Variants in TMEM276 observed in about 807,000 individuals in gnomAD.
TMEM276 encodes the protein transmembrane protein 276.
the TMEM276 span, chr8:144,464,049 G>A: frequency 2.3e-5 from 35 of 1,549,968 alleles, no homozygotes; most frequent in Middle Eastern, 5.3e-4. Context: ...CTACCCCTAG[G>A]GAGAAGGCGC....
chr8:144,463,993 C>T, the TMEM276 span: 7 of 1,516,642 alleles, frequency 4.6e-6, no homozygotes, highest in South Asian at 2.7e-5. Context: ...GACTCTGCCC[C>T]TGACCAGTCA....
chr8:144,465,228 A>C, the TMEM276 span: 70 of 1,170,486 alleles, frequency 6.0e-5, no homozygotes, highest in Admixed American at 6.8e-5. Flanking sequence ...GAGAGCGGCG[A>C]GGCGCTGCAG....
At chr8:144,463,906 C>T in the TMEM276 span, 1 of 1,412,442 alleles carries the variant, frequency 7.1e-7, no homozygotes, top group Non-Finnish European at 9.2e-7. Context: ...AATCAGGACC[C>T]CCAAACGTGT....
the TMEM276 span, chr8:144,464,609 T>C: frequency 6.2e-7 from 1 of 1,605,906 alleles, no homozygotes; most frequent in South Asian, 1.1e-5. Flanking sequence ...GCCCCTCGAC[T>C]TGCCTGTCAA....
the TMEM276 span, chr8:144,466,082 A>C: frequency 6.7e-6 from 1 of 150,326 alleles, no homozygotes; most frequent in South Asian, 2.1e-4. Flanking sequence ...GGCGTGTTGA[A>C]GGCTCCGCGA....
chr8:144,466,404 G>A, the TMEM276 span: 1 of 1,210,284 alleles, frequency 8.3e-7, no homozygotes, highest in Admixed American at 3.1e-5. Flanking sequence ...GGGGCCCTCT[G>A]CCGCCCCGCG....
chr8:144,464,952 T>C, the TMEM276 span: 1 of 1,597,608 alleles, frequency 6.3e-7, no homozygotes, highest in East Asian at 2.2e-5. Context: ...GATACTCAAC[T>C]TTGGAGAGGA....
chr8:144,465,408 AC>A, the TMEM276 span: 3 of 1,013,400 alleles, frequency 3.0e-6, no homozygotes, highest in African/African-American at 5.2e-5. Flanking sequence ...TGCGCAACGC[AC>A]CGCCCACCGC....
chr8:144,464,681 G>A, the TMEM276 span: 61 of 1,574,696 alleles, frequency 3.9e-5, no homozygotes, highest in Non-Finnish European at 4.7e-5. Flanking sequence ...ACAGGAAAGG[G>A]TTTGGGGCTT....
At chr8:144,464,626 G>A in the TMEM276 span, 105 of 1,598,568 alleles carry the variant, frequency 6.6e-5, no homozygotes, top group Non-Finnish European at 8.4e-5. Flanking sequence ...TCAACACAGG[G>A]AAGGGAGAAC....
chr8:144,463,878 C>T, the TMEM276 span: 1 of 1,386,858 alleles, frequency 7.2e-7, no homozygotes, highest in African/African-American at 1.4e-5. Flanking sequence ...TCTGGATCCA[C>T]AACCGTGTCC....
At chr8:144,464,199 A>G in the TMEM276 span, 2 of 1,613,164 alleles carry the variant, frequency 1.2e-6, no homozygotes, top group South Asian at 2.2e-5. Flanking sequence ...AGGCCCAGCG[A>G]CAGACATCCT....
the TMEM276 span, chr8:144,464,693 C>T: frequency 1.9e-6 from 3 of 1,574,764 alleles, no homozygotes; most frequent in Non-Finnish European, 2.6e-6. Flanking sequence ...TTGGGGCTTC[C>T]ATGGAGACCT....
the TMEM276 span, chr8:144,466,503 CG>C: frequency 6.9e-6 from 9 of 1,300,996 alleles, no homozygotes; most frequent in South Asian, 6.1e-5. Context: ...CCGCGGAGCC[CG>C]GGGACCCCGC....
At chr8:144,464,852 A>G in the TMEM276 span, 1 of 1,612,828 alleles carries the variant, frequency 6.2e-7, no homozygotes, top group Non-Finnish European at 8.5e-7. Flanking sequence ...CACTCCCAGC[A>G]CCAGATGGGA....
chr8:144,465,119 T>A, the TMEM276 span: 12 of 1,419,150 alleles, frequency 8.5e-6, no homozygotes, highest in South Asian at 2.5e-5. Flanking sequence ...AGAACCTAAT[T>A]CAGCCGGGAA....
the TMEM276 span, chr8:144,464,194 C>A: frequency 8.1e-6 from 13 of 1,613,158 alleles, no homozygotes; most frequent in East Asian, 2.7e-4. Context: ...AGCCAAGGCC[C>A]AGCGACAGAC....
chr8:144,466,943 C>T, the TMEM276 span: 1 of 1,586,778 alleles, frequency 6.3e-7, no homozygotes, highest in Non-Finnish European at 8.5e-7. Context: ...CTCCCGCCCT[C>T]CTCCCTGACC....
At chr8:144,465,168 G>C in the TMEM276 span, 4 of 1,349,452 alleles carry the variant, frequency 3.0e-6, no homozygotes, top group African/African-American at 5.9e-5. Context: ...TGGGGGGAAC[G>C]TCAGCCCTGG....
Sources: allele counts gnomAD v4.1 joint callset, GRCh38; gene constraint gnomAD v4.1.1; transcripts MANE v1.5; gene names NCBI Gene and HGNC (gene_info 2026-07-23, HGNC 2026-07-21).